PTPRR: variants seen among roughly 807,000 people sequenced by gnomAD.
PTPRR encodes protein tyrosine phosphatase receptor type R, also known as receptor-type tyrosine-protein phosphatase R.
PTPRR carries 38 observed loss-of-function variants against 77.2 expected under a neutral mutation model. The ratio of observed to expected loss-of-function variants is 0.49; its 90% CI spans 0.38 to 0.65. The LOEUF (loss-of-function observed/expected upper bound fraction) is 0.65, where lower values mean the gene tolerates loss of function less well. Among genes scored for constraint, PTPRR ranks in the 30% least tolerant of loss-of-function variants. PTPRR has a pLI of 0.00. For missense variants in PTPRR, 744 were observed against 799.2 expected (o/e 0.93, Z 0.83); for synonymous variants, 299 against 283.1 (o/e 1.06, Z -0.57).
intron 2 of PTPRR, among the ~76,000 whole-genome samples, chr12:70,832,180 T>C (rs1892225092): frequency 6.6e-6 from 1 of 152,196 alleles, no homozygotes; most frequent in Admixed American, 6.5e-5. Context: ...AATGATTTTG[T>C]GAGCTTTTGC....
rs370297906 is a variant in PTPRR at position 70,649,869 on chromosome 12, G to A, written c.1880+6835C>T. Among the ~76,000 whole-genome samples, 55 of 152,090 alleles carry A rather than the reference G, an allele frequency of 3.6e-4. 1 individual carries two copies. In the East Asian group the frequency reaches 8.2e-3, roughly 23 times the overall value. On this transcript the variant is annotated intron_variant, in intron 13 of 13. Transcript: ENST00000283228. ...GACTACAGGCCTGAGACACCGTGCC[G>A]GGCCCTTTTCCTCTTTTTAGGGGTC...
At chr12:70,839,530 T>C (rs1892360448) in intron 2 of PTPRR, among the ~76,000 whole-genome samples, 6 of 152,228 alleles carry the variant, frequency 3.9e-5, no homozygotes, top group Admixed American at 3.9e-4. Flanking sequence ...CCAGTGTAAT[T>C]GTGTCAGCAT....
chr12:70,792,132 A>G (rs541184407), intron 2 of PTPRR, among the ~76,000 whole-genome samples: 6 of 152,178 alleles, frequency 3.9e-5, no homozygotes, highest in Non-Finnish European at 8.8e-5. Context: ...TCACAAGGTC[A>G]GTTTCTTCAT....
At chr12:70,793,427 G>A (rs976575335) in intron 2 of PTPRR, among the ~76,000 whole-genome samples, 9 of 152,082 alleles carry the variant, frequency 5.9e-5, no homozygotes, top group Admixed American at 2.0e-4. Context: ...CAAAACAATG[G>A]CTACCAAGAG....
At chr12:70,863,406 T>C (rs906143114) in intron 2 of PTPRR, among the ~76,000 whole-genome samples, 1 of 152,172 alleles carries the variant, frequency 6.6e-6, no homozygotes, top group Non-Finnish European at 1.5e-5. Flanking sequence ...AAATGATGCA[T>C]GACTGTCCTA....
chr12:70,913,350 G>A (rs1488925049), intron 1 of PTPRR, among the ~76,000 whole-genome samples: 1 of 152,066 alleles, frequency 6.6e-6, no homozygotes. Context: ...AAGGAGGGTT[G>A]AATAATTTTT....
chr12:70,784,744 T>C (rs1442943359), intron 2 of PTPRR, among the ~76,000 whole-genome samples: 1 of 152,256 alleles, frequency 6.6e-6, no homozygotes, highest in Non-Finnish European at 1.5e-5. Flanking sequence ...TGAAAATGAA[T>C]AGTTTAGTGA....
chr12:70,916,565 A>G (rs1033751986), intron 1 of PTPRR, among the ~76,000 whole-genome samples: 3 of 151,714 alleles, frequency 2.0e-5, no homozygotes, highest in Non-Finnish European at 4.4e-5. Context: ...ACCATCATAG[A>G]ATACCTTTCT....
chr12:70,701,550 A>G (rs1262611869), intron 6 of PTPRR, among the ~76,000 whole-genome samples: 5 of 152,250 alleles, frequency 3.3e-5, no homozygotes, highest in African/African-American at 9.6e-5. Context: ...AAAATATGCT[A>G]TAATTTATGA....
At chr12:70,754,818 T>C in intron 4 of PTPRR, 1 of 1,360,958 alleles carries the variant, frequency 7.3e-7, no homozygotes, top group Admixed American at 2.7e-5. Context: ...ACATCTTTTT[T>C]TTTTTTCAAA....
intron 13 of PTPRR, among the ~76,000 whole-genome samples, chr12:70,656,349 A>G (rs1886577264): frequency 6.6e-6 from 1 of 152,096 alleles, no homozygotes; most frequent in Admixed American, 6.6e-5. Flanking sequence ...GAGTAATGTA[A>G]CAAGACCCCA....
At chr12:70,802,461 TTAAA>T (rs1396641025) in intron 2 of PTPRR, among the ~76,000 whole-genome samples, 1 of 152,190 alleles carries the variant, frequency 6.6e-6, no homozygotes, top group Non-Finnish European at 1.5e-5. Flanking sequence ...TAAAATGGCT[TTAAA>T]TAATAATGGC....
At position 70,676,855 on chromosome 12, in the gene PTPRR, C is replaced by A. The variant is rs531047329; in HGVS notation, c.1497+7272G>T. On this transcript the variant is annotated intron_variant, in intron 10 of 13. Transcript: ENST00000283228. Reference sequence around the variant, plus strand: ...TTTGAAGTCAGGTAGTATGATGCCTCCAGCTTTTTTTTTTTTTTGTCTCAA... The same window carrying A: ...TTTGAAGTCAGGTAGTATGATGCCTACAGCTTTTTTTTTTTTTTGTCTCAA... 5.8e-4 allele frequency among the ~76,000 whole-genome samples: 76 copies of A among 131,322 alleles called. 1 individual carries two copies. Among genetic ancestry groups the A allele is most frequent in the South Asian group, 5.3e-3 (21 of 3,948 alleles). 86.2% of individuals were successfully genotyped at this position (131,322 alleles called of 152,430 possible).
chr12:70,804,320 C>A, intron 2 of PTPRR, among the ~76,000 whole-genome samples: 1 of 152,166 alleles, frequency 6.6e-6, no homozygotes, highest in African/African-American at 2.4e-5. Flanking sequence ...CTTTGGGAGG[C>A]CAATATGAGT....
At chr12:70,892,551 A>T in intron 2 of PTPRR, 128 bp downstream of exon 2, 1 of 1,078,668 alleles carries the variant, frequency 9.3e-7, no homozygotes, top group Non-Finnish European at 1.3e-6. Context: ...ACCACAGAAT[A>T]AGTGCTGTGG....
chr12:70,639,185 C>G lies in PTPRR; in HGVS notation c.1973G>C (p.Ter658SerextTer36), dbSNP rs754066021. ...ATGGTCTGACAAGTCTTCAATGACTCACTGGACAGTCTCTGCTGAAAGTCT... is the reference window on the plus strand; with the variant it reads ...ATGGTCTGACAAGTCTTCAATGACTGACTGGACAGTCTCTGCTGAAAGTCT... ...ESRLSAETVQ[*>S] is the part of the protein sequence containing the mutation. Residue 658 changes from the stop codon to serine (S), a stop_lost, in exon 14 of 14, where the codon TGA (stop) becomes TCA (serine). Coordinates refer to ENST00000283228, the MANE Select transcript of PTPRR (RefSeq NM_002849.4). 5 of 1,612,088 alleles carry G rather than the reference C, an allele frequency of 3.1e-6. No individual in the cohort carries two copies. The highest frequency in any genetic ancestry group is 3.3e-5 in the Admixed American group (2 of 59,974).
intron 1 of PTPRR, among the ~76,000 whole-genome samples, chr12:70,906,178 TTC>T (rs1370016346): frequency 6.6e-6 from 1 of 152,000 alleles, no homozygotes; most frequent in African/African-American, 2.4e-5. Flanking sequence ...ACCTCCCAAC[TTC>T]TCTCTTCTCG....
chr12:70,649,672 T>G (rs1033276415), intron 13 of PTPRR, among the ~76,000 whole-genome samples: 1 of 152,162 alleles, frequency 6.6e-6, no homozygotes, highest in Non-Finnish European at 1.5e-5. Flanking sequence ...CCTCCTGGGT[T>G]CCAGCAATTC....
At chr12:70,862,853 C>T (rs1427083722) in intron 2 of PTPRR, among the ~76,000 whole-genome samples, 1 of 152,064 alleles carries the variant, frequency 6.6e-6, no homozygotes, top group Non-Finnish European at 1.5e-5. Context: ...AGCCATTCCA[C>T]CTGTTTCTTA....
Sources: allele counts gnomAD v4.1 joint callset (sites outside exome capture counted in the v4.1 genomes callset), GRCh38; gene constraint gnomAD v4.1.1; transcripts MANE v1.5; gene names NCBI Gene and HGNC (gene_info 2026-07-23, HGNC 2026-07-21).